The following RREB1 variants were observed in gnomAD, a reference collection of about 807,000 sequenced individuals.
RREB1 encodes ras responsive element binding protein 1.
A neutral mutation model predicts 117.8 loss-of-function variants in RREB1; 27 were observed. That is an observed-to-expected ratio of 0.23 (90% confidence interval 0.17 to 0.32). The LOEUF is 0.32. Ranked by LOEUF, RREB1 falls within the 10% of genes least tolerant of loss-of-function variation. The pLI is 1.00. For synonymous variants in RREB1, 1,298 were observed against 1,026.7 expected (o/e 1.26, Z -5.05); for missense variants, 2,577 against 2,378.2 (o/e 1.08, Z -1.74).
At chr6:7,159,116 C>T (rs1245106309) in intron 1 of RREB1, among the ~76,000 whole-genome samples, 1 of 152,150 alleles carries the variant, frequency 6.6e-6, no homozygotes, top group Non-Finnish European at 1.5e-5. Context: ...TAGGGGGACT[C>T]AGATTTAATG....
Position 7,230,945 on chromosome 6 carries a change from A to G in RREB1, c.2846A>G (p.Asp949Gly). ...IPKNFRKGDKDLATPSEAKKP... is the reference protein window; with the variant it reads ...IPKNFRKGDKGLATPSEAKKP... The stretch of plus-strand genomic sequence containing the variant: ...AAGAACTTCAGGAAAGGGGACAAGG[A>G]TTTGGCCACTCCCAGCGAAGCCAAG... The change falls in exon 10 of 13, where the codon GAT (aspartate) becomes GGT (glycine). Residue 949 changes from aspartate to glycine, a missense_variant. By Grantham distance (94) the Asp-to-Gly change is moderately conservative (BLOSUM62 -1). Transcript: ENST00000379938. The G allele has an allele frequency of 6.2e-7, 1 of 1,614,062 alleles. No homozygotes were observed. Among genetic ancestry groups the G allele is most frequent in the East Asian group, 2.2e-5 (1 of 44,874 alleles).
In RREB1 at chr6:7,249,796, T is replaced by A. The variant is rs1047615473; in HGVS notation, c.*828T>A. The A allele has an allele frequency of 7.3e-5, 11 of 150,484 alleles. No individual in the cohort carries two copies. Among genetic ancestry groups the A allele is most frequent in the Non-Finnish European group, 7.4e-5 (5 of 67,904 alleles). 9.3% of individuals were successfully genotyped at this position (150,484 alleles called of 1,614,324 possible). ...CTCTTCCCTTTCAGTATATGTATTA[T>A]TAATATTATTATTATTATTATTATT... On this transcript the variant is annotated 3_prime_UTR_variant, in exon 13 of 13. Transcript: ENST00000379938.
chr6:7,224,541 A>G (rs1767467377), intron 8 of RREB1, among the ~76,000 whole-genome samples: 1 of 152,088 alleles, frequency 6.6e-6, no homozygotes, highest in African/African-American at 2.4e-5. Context: ...GGGAGAAGGA[A>G]GGAGCTCTAT....
At chr6:7,124,570 A>G (rs1237927399) in intron 1 of RREB1, among the ~76,000 whole-genome samples, 1 of 152,140 alleles carries the variant, frequency 6.6e-6, no homozygotes, top group Non-Finnish European at 1.5e-5. Context: ...GTACTTTTAA[A>G]TAAGTTCAAC....
At chr6:7,122,424 C>A (rs1024019829) in intron 1 of RREB1, among the ~76,000 whole-genome samples, 5 of 152,240 alleles carry the variant, frequency 3.3e-5, no homozygotes, top group African/African-American at 1.2e-4. Flanking sequence ...CACCGCCATG[C>A]CTGGCTAATT....
At chr6:7,141,228 C>T (rs1042764601) in intron 1 of RREB1, among the ~76,000 whole-genome samples, 1 of 151,222 alleles carries the variant, frequency 6.6e-6, no homozygotes, top group Non-Finnish European at 1.5e-5. Context: ...GGCGGGCTGG[C>T]GGGGGCCGGG....
rs1170685477 is a variant in RREB1 at position 7,189,275 on chromosome 6, G to A, written c.378G>A (p.Lys126=). The A allele has an allele frequency of 1.2e-6, 2 of 1,604,582 alleles. No homozygotes were observed. The change falls in exon 6 of 13, where the codon AAG becomes AAA. Residue 126 remains lysine (K), a synonymous_variant. Transcript: ENST00000379938. ...TGCACTCTGGCGAGAGGCCTTACAAGTGCACTGTGTGTGGCCAGTCATTTA... is the reference window on the plus strand; with the variant it reads ...TGCACTCTGGCGAGAGGCCTTACAAATGCACTGTGTGTGGCCAGTCATTTA... The part of the protein sequence containing the change: ...MLVHSGERPY[K]CTVCGQSFTT...
Position 7,202,005 on chromosome 6 carries a change from G to A in RREB1, c.426-8799G>A, listed in dbSNP as rs1766014451. 2.0e-5 allele frequency among the ~76,000 whole-genome samples: 3 copies of A among 152,166 alleles called. No homozygotes were observed. The South Asian group carries it at 6.2e-4, about 31-fold the overall frequency. On this transcript the variant is annotated intron_variant, in intron 6 of 12. Coordinates refer to ENST00000379938, the MANE Select transcript of RREB1 (RefSeq NM_001003699.4). ...GGCCTTGGTCATACAGAAGGGCTCT[G>A]TCGCCTGGTTGGTCTTGGGAGGTGA...
chr6:7,220,251 A>G (rs1418419734), intron 8 of RREB1, among the ~76,000 whole-genome samples: 1 of 152,198 alleles, frequency 6.6e-6, no homozygotes, highest in East Asian at 1.9e-4. Flanking sequence ...TCTGGGTGAA[A>G]CAGGCTCTTG....
chr6:7,244,438 A>T (rs1768893562), intron 11 of RREB1, among the ~76,000 whole-genome samples: 1 of 152,084 alleles, frequency 6.6e-6, no homozygotes, highest in African/African-American at 2.4e-5. Flanking sequence ...AAGCCAGCAA[A>T]CAAATTGAGC....
chr6:7,192,116 ATTTTTTTTTTTTT>A (rs34074532), intron 6 of RREB1, among the ~76,000 whole-genome samples: 15 of 15,320 alleles, frequency 9.8e-4, no homozygotes, highest in South Asian at 5.7e-3. Flanking sequence ...TTGTCAGATG[ATTTTTTTTTTTTT>A]TTTTTTTTTT....
At chr6:7,127,605 C>T (rs1761992376) in intron 1 of RREB1, among the ~76,000 whole-genome samples, 1 of 152,176 alleles carries the variant, frequency 6.6e-6, no homozygotes, top group South Asian at 2.1e-4. Context: ...GGGAGCTGAA[C>T]TGGGACAATG....
intron 1 of RREB1, among the ~76,000 whole-genome samples, chr6:7,116,002 C>T (rs986200304): frequency 6.6e-6 from 1 of 152,192 alleles, no homozygotes; most frequent in African/African-American, 2.4e-5. Context: ...ACCTAAGGCC[C>T]TCATCAAGTC....
intron 3 of RREB1, chr6:7,181,617 T>C: frequency 1.7e-6 from 1 of 578,644 alleles, no homozygotes; most frequent in South Asian, 2.3e-5. Flanking sequence ...GAAACCTGCC[T>C]CTCATGAGTT....
rs56912076 is a variant in RREB1, at chr6:7,239,616, G to A, written c.3809-822G>A. Among the ~76,000 whole-genome samples, 2,592 of 152,338 alleles carry A rather than the reference G, an allele frequency of 0.017. 182 individuals are homozygous for A. In the East Asian group the frequency reaches 0.18, roughly 11 times the overall value. On this transcript the variant is annotated intron_variant, in intron 10 of 12. Coordinates refer to ENST00000379938, the MANE Select transcript of RREB1 (RefSeq NM_001003699.4). ...CTCTCAGTGGCTCACCCATCTGTGC[G>A]TTTGGGATGGGTCTAGGGGCGAGGC...
intron 1 of RREB1, among the ~76,000 whole-genome samples, chr6:7,142,304 C>T (rs2113390849): frequency 6.6e-6 from 1 of 152,354 alleles, no homozygotes; most frequent in East Asian, 1.9e-4. Flanking sequence ...TCCGCTTTTA[C>T]ACCCTCCTCC....
chr6:7,114,828 C>G (rs923491313), intron 1 of RREB1, among the ~76,000 whole-genome samples: 1 of 152,154 alleles, frequency 6.6e-6, no homozygotes, highest in East Asian at 1.9e-4. Context: ...AATGAAAATT[C>G]TAGAAGTCAT....
At chr6:7,118,721 T>C (rs1386246541) in intron 1 of RREB1, among the ~76,000 whole-genome samples, 1 of 152,054 alleles carries the variant, frequency 6.6e-6, no homozygotes, top group Non-Finnish European at 1.5e-5. Context: ...TGGAGTGTGA[T>C]TCAGTATGAG....
intron 1 of RREB1, among the ~76,000 whole-genome samples, chr6:7,141,849 G>A (rs1337780562): frequency 6.6e-6 from 1 of 152,240 alleles, no homozygotes; most frequent in Non-Finnish European, 1.5e-5. Context: ...AGGAAGCAGG[G>A]CCTTTCTGGC....
Sources: allele counts gnomAD v4.1 joint callset (sites outside exome capture counted in the v4.1 genomes callset), GRCh38; gene constraint gnomAD v4.1.1; transcripts MANE v1.5; gene names NCBI Gene and HGNC (gene_info 2026-07-23, HGNC 2026-07-21).